The following ESRRB variants were observed in gnomAD, a reference collection of about 807,000 sequenced individuals.
ESRRB encodes estrogen related receptor beta.
ESRRB carries 16 observed loss-of-function variants against 46.0 expected under a neutral mutation model. The ratio of observed to expected loss-of-function variants is 0.35; its 90% CI spans 0.24 to 0.53. ESRRB has a LOEUF of 0.53. Ranked by LOEUF, ESRRB falls within the 20% of genes least tolerant of loss-of-function variation. The pLI is 0.93. For missense variants in ESRRB, 488 were observed against 607.4 expected (o/e 0.80, Z 2.07); for synonymous variants, 246 against 259.6 (o/e 0.95, Z 0.50).
chr14:76,482,905 T>G lies in ESRRB; in HGVS notation c.850+146T>G. On this transcript the variant is annotated intron_variant, in intron 5 of 6. Coordinates refer to ENST00000644823, the MANE Select transcript of ESRRB (RefSeq NM_001379180.1). This position sits in a 1 kb window ranked among gnomAD's most constrained non-coding sequence, Gnocchi z 4.3. ...TGGCAGGCCTGTTTCTCTGAGCTCCTCTTCTCTCCTTGTAGCATTGGAGAG... is the reference window on the plus strand; with the variant it reads ...TGGCAGGCCTGTTTCTCTGAGCTCCGCTTCTCTCCTTGTAGCATTGGAGAG... 1 of 916,244 alleles carries G rather than the reference T, an allele frequency of 1.1e-6. No individual in the cohort carries two copies. Among genetic ancestry groups the G allele is most frequent in the Non-Finnish European group, 1.7e-6 (1 of 580,314 alleles). The allele number at this position is 916,244 out of a possible 1,614,324, so 56.8% of individuals were successfully genotyped here.
At chr14:76,368,004 G>A (rs1241593316), upstream of ESRRB, among the ~76,000 whole-genome samples, 1 of 147,888 alleles carries the variant, frequency 6.8e-6, no homozygotes, top group Non-Finnish European at 1.5e-5. Context: ...CCAGCCTGGA[G>A]TGCAGTGGTG....
rs200344001 is a variant in ESRRB at position 76,426,882 on chromosome 14, AC to A, written c.51-12458del. ...CATGTCGCTACAAAAAAACAAACAA[AC>A]AAAAAAATTGTTTAAAGACAATGGT... On this transcript the variant is annotated intron_variant, in intron 1 of 6. Coordinates refer to ENST00000644823, the MANE Select transcript of ESRRB (RefSeq NM_001379180.1). Among the ~76,000 whole-genome samples the A allele has an allele frequency of 1.0e-3, 158 of 152,192 alleles. 2 individuals are homozygous for A. Among genetic ancestry groups the A allele is most frequent in the African/African-American group, 3.3e-3 (136 of 41,510 alleles).
At position 76,376,655 on chromosome 14, in the gene ESRRB, C is replaced by T. The variant is rs978196177; in HGVS notation, c.50+204C>T. Among the ~76,000 whole-genome samples, 12 of 152,160 alleles carry T rather than the reference C, an allele frequency of 7.9e-5. No individual in the cohort carries two copies. Among genetic ancestry groups the T allele is most frequent in the Non-Finnish European group, 1.6e-4 (11 of 68,022 alleles). ...ACCCTCCTCTAACTTTTTCCCGCAC[C>T]CCCTTTTACAAATCCACACTTTCAG... is the stretch of plus-strand genomic sequence containing the variant. On this transcript the variant is annotated intron_variant, in intron 1 of 6. Coordinates refer to ENST00000644823, the MANE Select transcript of ESRRB (RefSeq NM_001379180.1). This position sits in a 1 kb window ranked among gnomAD's most constrained non-coding sequence, Gnocchi z 4.1.
intron 3 of ESRRB, among the ~76,000 whole-genome samples, chr14:76,474,248 T>C (rs1889485176): frequency 6.6e-6 from 1 of 152,254 alleles, no homozygotes; most frequent in African/African-American, 2.4e-5. Context: ...AGCCAGACTC[T>C]ATGACCTTCA....
intron 1 of ESRRB, among the ~76,000 whole-genome samples, chr14:76,320,541 TG>T (rs1883855117): frequency 6.6e-6 from 1 of 152,202 alleles, no homozygotes; most frequent in Non-Finnish European, 1.5e-5. Flanking sequence ...CAGGGCATGG[TG>T]GGCCCATCTC....
rs1887811390 is a variant in ESRRB, at chr14:76,439,344, G to A, written c.54G>A (p.Leu18=). The A allele has an allele frequency of 1.9e-6, 3 of 1,613,554 alleles. No individual in the cohort carries two copies. Among genetic ancestry groups the A allele is most frequent in the African/African-American group, 2.7e-5 (2 of 74,944 alleles). ...IPDPLGYHNQ[L]LNRMSSDDRH... is the part of the protein sequence containing the mutation. The stretch of plus-strand genomic sequence containing the variant: ...ACTTCCCGATTTGTGTCCACAGGCT[G>A]CTGAACAGGATGTCCTCGGACGACA... The change falls in exon 2 of 7, where the codon CTG becomes CTA. Residue 18 remains leucine (L), a synonymous_variant. Coordinates refer to ENST00000644823, the MANE Select transcript of ESRRB (RefSeq NM_001379180.1).
intron 1 of ESRRB, among the ~76,000 whole-genome samples, chr14:76,436,089 G>T (rs967790881): frequency 6.6e-6 from 1 of 152,188 alleles, no homozygotes; most frequent in African/African-American, 2.4e-5. Flanking sequence ...CCTGGAGGTG[G>T]GGCCCAGACA....
At chr14:76,493,149 C>CTT (rs1048855727) in intron 6 of ESRRB, among the ~76,000 whole-genome samples, 3 of 151,982 alleles carry the variant, frequency 2.0e-5, no homozygotes, top group African/African-American at 7.2e-5. Context: ...CTTCCAAGCA[C>CTT]TTTATTTTAT....
intron 5 of ESRRB, among the ~76,000 whole-genome samples, chr14:76,487,989 T>G (rs999644426): frequency 6.6e-6 from 1 of 152,152 alleles, no homozygotes; most frequent in Non-Finnish European, 1.5e-5. Context: ...ATTTATGACT[T>G]ACTTTTATTT....
chr14:76,465,514 G>A (rs553474268), intron 3 of ESRRB, among the ~76,000 whole-genome samples: 16 of 152,272 alleles, frequency 1.1e-4, no homozygotes, highest in Non-Finnish European at 1.9e-4. Context: ...TCAGAGAAAC[G>A]AGGTGGACAC....
At chr14:76,331,314 G>A (rs916034102) in intron 1 of ESRRB, among the ~76,000 whole-genome samples, 1 of 152,180 alleles carries the variant, frequency 6.6e-6, no homozygotes, top group Non-Finnish European at 1.5e-5. Context: ...AAGACCTAGA[G>A]TCAAATCCTG....
At chr14:76,339,896 G>A (rs1037029552) in intron 1 of ESRRB, among the ~76,000 whole-genome samples, 9 of 152,100 alleles carry the variant, frequency 5.9e-5, no homozygotes, top group East Asian at 1.9e-4. Context: ...TCTCTCCCTC[G>A]TCACCCATAA....
chr14:76,370,272 C>T (rs1439081890), upstream of ESRRB, among the ~76,000 whole-genome samples: 3 of 151,230 alleles, frequency 2.0e-5, no homozygotes, highest in African/African-American at 4.9e-5. Flanking sequence ...GTGGTGGGCA[C>T]CTGTAATCCC....
intron 3 of ESRRB, among the ~76,000 whole-genome samples, chr14:76,473,630 G>A (rs1029488042): frequency 1.3e-5 from 2 of 152,240 alleles, no homozygotes; most frequent in East Asian, 1.9e-4. Context: ...CTGCACACTC[G>A]GCTATTTTTA....
chr14:76,415,699 G>T (rs1409487260), intron 1 of ESRRB, among the ~76,000 whole-genome samples: 4 of 152,104 alleles, frequency 2.6e-5, no homozygotes, highest in African/African-American at 9.7e-5. Context: ...AGAGATGGGG[G>T]TCTCACTGTA....
chr14:76,473,668 C>G (rs964679479), intron 3 of ESRRB, among the ~76,000 whole-genome samples: 1 of 152,206 alleles, frequency 6.6e-6, no homozygotes, highest in Admixed American at 6.5e-5. Flanking sequence ...TCTTGTCCAG[C>G]TTAGGCAGGG....
chr14:76,324,002 T>C (rs1263201689), intron 1 of ESRRB, among the ~76,000 whole-genome samples: 1 of 152,160 alleles, frequency 6.6e-6, no homozygotes, highest in Non-Finnish European at 1.5e-5. Flanking sequence ...CCCTGGCTGT[T>C]TGGGGAAGAC....
At chr14:76,311,048 G>C (rs1438153920) in intron 1 of ESRRB, 5 of 379,024 alleles carry the variant, frequency 1.3e-5, no homozygotes, top group Non-Finnish European at 2.1e-5. Context: ...CCCCATGCCT[G>C]TTCTTTCATC....
chr14:76,328,441 A>G (rs112764762), intron 1 of ESRRB, among the ~76,000 whole-genome samples: 4 of 152,296 alleles, frequency 2.6e-5, no homozygotes, highest in African/African-American at 7.2e-5. Context: ...AATGCCCCCA[A>G]TCCACACACA....
Sources: allele counts gnomAD v4.1 joint callset (sites outside exome capture counted in the v4.1 genomes callset), GRCh38; gene constraint gnomAD v4.1.1; non-coding constraint Gnocchi (gnomAD v3.1); transcripts MANE v1.5; gene names NCBI Gene and HGNC (gene_info 2026-07-23, HGNC 2026-07-21).